Variants in ABI3BP observed in about 807,000 individuals in gnomAD.
The protein encoded by ABI3BP is target of Nesh-SH3.
ABI3BP carries 216 observed loss-of-function variants against 268.6 expected under a neutral mutation model. The observed-to-expected ratio is 0.80, with a 90% confidence interval of 0.72 to 0.90. The LOEUF is 0.90. Among genes scored for constraint, ABI3BP ranks in the 40% least tolerant of loss-of-function variants. The pLI is 0.00. For synonymous variants in ABI3BP, 730 were observed against 730.0 expected (o/e 1.00, Z 0.00); for missense variants, 2,090 against 2,182.4 (o/e 0.96, Z 0.84).
intron 2 of ABI3BP, among the ~76,000 whole-genome samples, chr3:100,903,095 C>A (rs966257414): frequency 1.3e-5 from 2 of 152,176 alleles, no homozygotes; most frequent in Admixed American, 6.5e-5. Flanking sequence ...ACACCGTGGG[C>A]CTCACCTGTA....
intron 4 of ABI3BP, among the ~76,000 whole-genome samples, chr3:100,895,841 A>G (rs2047423085): frequency 6.6e-6 from 1 of 152,184 alleles, no homozygotes; most frequent in African/African-American, 2.4e-5. Flanking sequence ...AATTACACTA[A>G]TTTGTAGTTC....
intron 1 of ABI3BP, among the ~76,000 whole-genome samples, chr3:100,937,415 C>A (rs1349298824): frequency 6.6e-6 from 1 of 151,986 alleles, no homozygotes; most frequent in East Asian, 1.9e-4. Context: ...ACCCAAATGT[C>A]CATCAACAGT....
rs1405142027 is a variant in ABI3BP at position 100,955,000 on chromosome 3, T to TTC, written c.80-28520_80-28519insGA. On this transcript the variant is annotated intron_variant, in intron 1 of 67. Coordinates refer to ENST00000471714, the MANE Select transcript of ABI3BP (RefSeq NM_001375547.2). ...CTTTTTTTTTTTTTTTTTTTTTTTT[T>TTC]ACGAATCATAAAGCTCAACTGGCAA... Among the ~76,000 whole-genome samples, 477 of 108,140 alleles carry TTC rather than the reference T, an allele frequency of 4.4e-3. 19 individuals carry two copies. Among genetic ancestry groups the TTC allele is most frequent in the Middle Eastern group, 0.02 (4 of 204 alleles). 70.9% of individuals were successfully genotyped at this position (108,140 alleles called of 152,430 possible).
rs1029790453 is a variant in ABI3BP at position 100,895,668 on chromosome 3, A to T, written c.461+3094T>A. On this transcript the variant is annotated intron_variant, in intron 4 of 67. Transcript: ENST00000471714. The stretch of plus-strand genomic sequence containing the variant: ...GATTGCAATGGTTTTGTAAAAAGAT[A>T]CTCCTGAAGTAAAACTTTAGCTGTA... Among the ~76,000 whole-genome samples the T allele has an allele frequency of 2.6e-5, 4 of 152,150 alleles. No individual in the cohort carries two copies. In the East Asian group the frequency reaches 7.7e-4, roughly 29 times the overall value.
At chr3:100,810,375 C>T (rs2097830293) in intron 49 of ABI3BP, 37 bp downstream of exon 49, 1 of 1,488,490 alleles carries the variant, frequency 6.7e-7, no homozygotes, top group East Asian at 2.5e-5. Flanking sequence ...TCTGCAAACA[C>T]TCACCTCATA....
At chr3:100,864,715 A>T in intron 11 of ABI3BP, 118 bp downstream of exon 11, 1 of 708,898 alleles carries the variant, frequency 1.4e-6, no homozygotes, top group Non-Finnish European at 2.3e-6. Context: ...AGGAAGGAAA[A>T]GGAGAAAGTG....
rs138367362 is a variant in ABI3BP, at chr3:100,794,885, G to C, written c.3946+38C>G. 5.5e-4 allele frequency: 800 copies of C among 1,459,612 alleles called. 10 individuals are homozygous for C. In the East Asian group the frequency reaches 0.018, roughly 33 times the overall value. The allele number at this position is 1,459,612 out of a possible 1,614,324, so 90.4% of individuals were successfully genotyped here. ...TTACTTTAAGGGAAATTCCTAAAAGGCAAGCTCTCTTTGAACAAATATTAA... is the reference window on the plus strand; with the variant it reads ...TTACTTTAAGGGAAATTCCTAAAAGCCAAGCTCTCTTTGAACAAATATTAA... On this transcript the variant is annotated intron_variant, in intron 54 of 67. Transcript: ENST00000471714.
At chr3:100,897,450 T>C (rs1377775113) in intron 4 of ABI3BP, among the ~76,000 whole-genome samples, 1 of 152,166 alleles carries the variant, frequency 6.6e-6, no homozygotes, top group Non-Finnish European at 1.5e-5. Flanking sequence ...GAATAAACTT[T>C]TGAATATTCA....
intron 59 of ABI3BP, among the ~76,000 whole-genome samples, chr3:100,775,715 G>T (rs1252059265): frequency 6.6e-6 from 1 of 152,126 alleles, no homozygotes; most frequent in Non-Finnish European, 1.5e-5. Flanking sequence ...ATAGACAGAG[G>T]TTATAACAAG....
At chr3:100,762,801 A>G (rs1355463209) in intron 63 of ABI3BP, among the ~76,000 whole-genome samples, 3 of 152,174 alleles carry the variant, frequency 2.0e-5, no homozygotes, top group Non-Finnish European at 4.4e-5. Flanking sequence ...TGACCACCAT[A>G]AAGTTTCACA....
At chr3:100,911,339 A>C (rs539613779) in intron 2 of ABI3BP, 1 of 276,794 alleles carries the variant, frequency 3.6e-6, no homozygotes, top group Non-Finnish European at 7.0e-6. Flanking sequence ...TAAAAGGTCC[A>C]TAATGCTTGA....
At chr3:100,897,169 T>C (rs1440735658) in intron 4 of ABI3BP, among the ~76,000 whole-genome samples, 1 of 152,114 alleles carries the variant, frequency 6.6e-6, no homozygotes, top group African/African-American at 2.4e-5. Context: ...TACACTAGAA[T>C]GGCTAAAATG....
At chr3:100,943,472 G>T (rs1268541452) in intron 1 of ABI3BP, among the ~76,000 whole-genome samples, 1 of 151,940 alleles carries the variant, frequency 6.6e-6, no homozygotes, top group Non-Finnish European at 1.5e-5. Context: ...TTCCCCAAAT[G>T]CCATACATCT....
chr3:100,941,906 T>C (rs2069457333), intron 1 of ABI3BP, among the ~76,000 whole-genome samples: 1 of 152,218 alleles, frequency 6.6e-6, no homozygotes, highest in South Asian at 2.1e-4. Context: ...AATTACTCTT[T>C]AAAGTTTGAA....
intron 4 of ABI3BP, among the ~76,000 whole-genome samples, chr3:100,891,723 G>T (rs2044757969): frequency 6.6e-6 from 1 of 152,206 alleles, no homozygotes; most frequent in African/African-American, 2.4e-5. Flanking sequence ...CTGGCTAGAT[G>T]ATTTTTAAAT....
In ABI3BP at chr3:100,773,915, C is replaced by T. The variant is rs545855854; in HGVS notation, c.4531+690G>A. Among the ~76,000 whole-genome samples the T allele has an allele frequency of 3.4e-3, 519 of 152,178 alleles. 5 individuals are homozygous for T. Among genetic ancestry groups the T allele is most frequent in the Non-Finnish European group, 5.0e-3 (338 of 68,000 alleles). On this transcript the variant is annotated intron_variant, in intron 61 of 67. Transcript: ENST00000471714. Reference sequence around the variant, plus strand: ...ATACTATAGTATGGCAGGCCTGTTGCCACGTAGGCACTGGGGGGTTGAGTG... The same window carrying T: ...ATACTATAGTATGGCAGGCCTGTTGTCACGTAGGCACTGGGGGGTTGAGTG...
chr3:100,813,531 T>C (rs2097916353), intron 45 of ABI3BP, 130 bp downstream of exon 45: 4 of 610,966 alleles, frequency 6.5e-6, no homozygotes, highest in Non-Finnish European at 1.1e-5. Flanking sequence ...AAAAAGAGCA[T>C]TGTGCAATAT....
chr3:100,821,355 T>C (rs2098216506), intron 38 of ABI3BP, among the ~76,000 whole-genome samples: 1 of 152,170 alleles, frequency 6.6e-6, no homozygotes, highest in Admixed American at 6.5e-5. Context: ...CAAAATGGAC[T>C]ATGTAGGTAT....
intron 1 of ABI3BP, among the ~76,000 whole-genome samples, chr3:100,928,877 C>T (rs2062710930): frequency 6.6e-6 from 1 of 152,074 alleles, no homozygotes; most frequent in Middle Eastern, 3.2e-3. Flanking sequence ...CACCACAGAT[C>T]ATAATGCTCA....
Sources: allele counts gnomAD v4.1 joint callset (sites outside exome capture counted in the v4.1 genomes callset), GRCh38; gene constraint gnomAD v4.1.1; transcripts MANE v1.5; gene names NCBI Gene and HGNC (gene_info 2026-07-23, HGNC 2026-07-21).